Variants in FERRY3 observed in about 807,000 individuals in gnomAD.
FERRY3 encodes the protein FERRY endosomal RAB5 effector complex subunit 3.
At chr12:4,523,255 C>A in the FERRY3 span, among the ~76,000 whole-genome samples, 1 of 152,164 alleles carries the variant, frequency 6.6e-6, no homozygotes, top group Non-Finnish European at 1.5e-5. Context: ...AACAAAGTCA[C>A]AATAAAAACA....
the FERRY3 span, chr12:4,536,011 C>G: frequency 6.5e-7 from 1 of 1,531,090 alleles, no homozygotes; most frequent in East Asian, 2.4e-5. Context: ...AAAAAACAGT[C>G]CTCACCTTTT....
chr12:4,491,470 T>A, the FERRY3 span, among the ~76,000 whole-genome samples: 2,502 of 152,258 alleles, frequency 0.016, 76 homozygotes, highest in African/African-American at 0.056. Flanking sequence ...TTAAAAAATA[T>A]ATATATCCTT....
chr12:4,532,793 C>T, the FERRY3 span, among the ~76,000 whole-genome samples: 1 of 152,158 alleles, frequency 6.6e-6, no homozygotes, highest in African/African-American at 2.4e-5. Context: ...TGTGATCTAG[C>T]ATTCAACCAC....
At chr12:4,488,905 C>A in the FERRY3 span, 1 of 151,690 alleles carries the variant, frequency 6.6e-6, no homozygotes, top group South Asian at 2.1e-4. The surrounding 1 kb of genome is among the most constrained non-coding windows in gnomAD (Gnocchi z 4.9). Context: ...GAAAGTAGTA[C>A]CATAAGGAAA....
At chr12:4,519,815 G>A in the FERRY3 span, among the ~76,000 whole-genome samples, 53 of 152,300 alleles carry the variant, frequency 3.5e-4, no homozygotes, top group Middle Eastern at 0.014. The surrounding 1 kb of genome is among the most constrained non-coding windows in gnomAD (Gnocchi z 4.3). Flanking sequence ...GCATGCAAGC[G>A]ATCGAGGTTG....
the FERRY3 span, chr12:4,517,041 T>C: frequency 7.6e-5 from 115 of 1,512,646 alleles, no homozygotes; most frequent in Non-Finnish European, 9.8e-5. Context: ...CAGAATATAA[T>C]AAAAGTGAGT....
At chr12:4,517,965 A>AT in the FERRY3 span, 11 of 1,167,496 alleles carry the variant, frequency 9.4e-6, no homozygotes, top group South Asian at 1.5e-5. Flanking sequence ...GGTGATTAAA[A>AT]TTTTTTTTCA....
chr12:4,505,440 G>T, the FERRY3 span: 3 of 1,170,588 alleles, frequency 2.6e-6, no homozygotes, highest in Non-Finnish European at 3.7e-6. Context: ...ATGTTACTAT[G>T]ACTGCTCCCA....
At chr12:4,523,199 G>C in the FERRY3 span, among the ~76,000 whole-genome samples, 1 of 152,176 alleles carries the variant, frequency 6.6e-6, no homozygotes, top group Non-Finnish European at 1.5e-5. Context: ...GTTGAAAAGA[G>C]ATCTCTCCTG....
the FERRY3 span, among the ~76,000 whole-genome samples, chr12:4,526,891 T>TAC: frequency 6.6e-6 from 1 of 151,666 alleles, no homozygotes; most frequent in Admixed American, 6.6e-5. Flanking sequence ...CTGATTAAGA[T>TAC]ATATATATAT....
chr12:4,532,385 T>A, the FERRY3 span, among the ~76,000 whole-genome samples: 2 of 152,172 alleles, frequency 1.3e-5, no homozygotes, highest in Admixed American at 1.3e-4. Flanking sequence ...GAAGTCAGCT[T>A]CTCTTCTGTT....
At chr12:4,518,907 CT>C in the FERRY3 span, 1 of 1,422,130 alleles carries the variant, frequency 7.0e-7, no homozygotes, top group Non-Finnish European at 9.5e-7. Context: ...TATTGATATA[CT>C]TTTATGTTTG....
At chr12:4,536,142 T>G in the FERRY3 span, 1 of 1,604,268 alleles carries the variant, frequency 6.2e-7, no homozygotes, top group Non-Finnish European at 8.5e-7. Context: ...TACTTTAAAT[T>G]TATATACAAA....
chr12:4,512,442 G>A, the FERRY3 span, among the ~76,000 whole-genome samples: 7 of 152,268 alleles, frequency 4.6e-5, no homozygotes, highest in Non-Finnish European at 1.0e-4. Context: ...AACCAAAAAA[G>A]CAAATTTTAG....
chr12:4,510,910 G>A, the FERRY3 span, among the ~76,000 whole-genome samples: 1 of 151,948 alleles, frequency 6.6e-6, no homozygotes, highest in African/African-American at 2.4e-5. Flanking sequence ...AACTTTAAAT[G>A]GACTAAATTC....
chr12:4,498,844 C>A, the FERRY3 span, among the ~76,000 whole-genome samples: 2 of 152,282 alleles, frequency 1.3e-5, no homozygotes, highest in African/African-American at 4.8e-5. Context: ...CCCTCGCACA[C>A]GCAGTTCACA....
At chr12:4,489,969 T>C in the FERRY3 span, 25 of 1,034,674 alleles carry the variant, frequency 2.4e-5, no homozygotes, top group Non-Finnish European at 3.0e-5. Flanking sequence ...TTTAGAAGTA[T>C]TTTAAAATAT....
the FERRY3 span, among the ~76,000 whole-genome samples, chr12:4,520,253 A>T: frequency 1.7e-4 from 26 of 152,342 alleles, 2 homozygotes; most frequent in East Asian, 4.8e-3. Context: ...CACTGAGGGC[A>T]GGAGACAAGA....
the FERRY3 span, chr12:4,500,336 T>A: frequency 6.2e-7 from 1 of 1,612,888 alleles, no homozygotes; most frequent in Non-Finnish European, 8.5e-7. Flanking sequence ...TAATATAAAA[T>A]TCCCCTGTGA....
Sources: gnomAD v4.1 joint callset for allele counts (sites outside exome capture counted in the v4.1 genomes callset) on GRCh38, gnomAD v4.1.1 for gene constraint, Gnocchi (gnomAD v3.1) non-coding constraint, MANE v1.5 for transcripts, NCBI Gene and HGNC (gene_info 2026-07-23, HGNC 2026-07-21) for gene names.